The following ANOS1 variants were observed in gnomAD, a reference collection of about 807,000 sequenced individuals.
The protein encoded by ANOS1 is anosmin-1.
A neutral mutation model predicts 59.0 loss-of-function variants in ANOS1; 6 were observed. That is an observed-to-expected ratio of 0.10 (90% CI 0.06 to 0.20). The LOEUF (loss-of-function observed/expected upper bound fraction) is 0.20, where lower values mean the gene tolerates loss of function less well. ANOS1 is among the 10% of genes least tolerant of loss of function. The probability of loss-of-function intolerance (pLI) is 1.00; values close to 1 mark genes in which losing one functional copy is unlikely to be tolerated. For missense variants in ANOS1, 433 were observed against 542.3 expected (o/e 0.80, Z 2.00); for synonymous variants, 217 against 223.4 (o/e 0.97, Z 0.25).
intron 2 of ANOS1, among the ~76,000 whole-genome samples, chrX:8,628,295 C>T (rs970895489): frequency 2.7e-5 from 3 of 112,195 alleles, no homozygotes; most frequent in African/African-American, 9.7e-5. Context: ...TCCCAGAAAA[C>T]TCATAAATAA....
chrX:8,633,891 G>A (rs1221175891), intron 2 of ANOS1, among the ~76,000 whole-genome samples: 1 of 112,092 alleles, frequency 8.9e-6, no homozygotes, highest in Non-Finnish European at 1.9e-5. Context: ...GACCAAAGGA[G>A]ACTAAAGATA....
At chrX:8,709,803 C>G (rs1932801039) in intron 1 of ANOS1, among the ~76,000 whole-genome samples, 3 of 112,172 alleles carry the variant, frequency 2.7e-5, no homozygotes, top group Non-Finnish European at 5.6e-5. Flanking sequence ...GTTGCATAGA[C>G]TAAAACTATG....
At chrX:8,721,772 T>G (rs1932876594) in intron 1 of ANOS1, among the ~76,000 whole-genome samples, 1 of 112,720 alleles carries the variant, frequency 8.9e-6, no homozygotes, top group Admixed American at 9.4e-5. Flanking sequence ...CATGTTACAA[T>G]GGGCATGCTC....
At position 8,597,041 on chromosome X, in the gene ANOS1, C is replaced by T. The variant is rs1930749057; in HGVS notation, c.534G>A (p.Leu178=). The change falls in exon 4 of 14, where the codon CTG becomes CTA. Residue 178 remains leucine, a synonymous_variant. Coordinates refer to ENST00000262648, the MANE Select transcript of ANOS1 (RefSeq NM_000216.4). ...CCCAGTGCTGCCCCTTACCTTTGTA[C>T]AGAGTCTTGGGTACTTGACAGGTGT... ...CGHTCQVPKT[L]YKGVPLKPRK... 8 of 1,211,898 alleles carry T rather than the reference C, an allele frequency of 6.6e-6. No homozygotes were observed. The highest frequency in any genetic ancestry group is 8.9e-6 in the Non-Finnish European group (8 of 895,571).
intron 9 of ANOS1, among the ~76,000 whole-genome samples, chrX:8,543,946 T>A (rs1363159778): frequency 9.0e-6 from 1 of 110,547 alleles, no homozygotes; most frequent in African/African-American, 3.3e-5. Context: ...AAATACCCAG[T>A]TGATCTGGTT....
intron 2 of ANOS1, among the ~76,000 whole-genome samples, chrX:8,684,928 G>A (rs5978261): frequency 0.47 from 51,038 of 108,563 alleles, 9,105 homozygotes; most frequent in East Asian, 0.61. Flanking sequence ...ACAAGGATCC[G>A]TTCCAGCCCC....
At chrX:8,652,061 A>C (rs769678163) in intron 2 of ANOS1, among the ~76,000 whole-genome samples, 7 of 111,385 alleles carry the variant, frequency 6.3e-5, no homozygotes, top group Admixed American at 4.8e-4. Context: ...CCTCCACCTC[A>C]GCCTCCCGAG....
intron 3 of ANOS1, among the ~76,000 whole-genome samples, chrX:8,599,329 T>G (rs980331531): frequency 9.0e-5 from 10 of 111,660 alleles, no homozygotes; most frequent in Non-Finnish European, 1.9e-4. Flanking sequence ...ATGTGGTAGC[T>G]TTGGTGAACA....
chrX:8,717,280 A>C (rs1002775397), intron 1 of ANOS1, among the ~76,000 whole-genome samples: 2 of 112,336 alleles, frequency 1.8e-5, no homozygotes, highest in Non-Finnish European at 3.8e-5. Context: ...CCTATTAAAA[A>C]CAGGTTTAAA....
At chrX:8,660,930 G>A (rs781024958) in intron 2 of ANOS1, among the ~76,000 whole-genome samples, 5 of 111,911 alleles carry the variant, frequency 4.5e-5, no homozygotes, top group African/African-American at 6.5e-5. Context: ...AGTACACAGA[G>A]CAGCCAGGTG....
intron 6 of ANOS1, among the ~76,000 whole-genome samples, chrX:8,575,126 C>A (rs1187845773): frequency 1.8e-5 from 2 of 112,200 alleles, no homozygotes; most frequent in African/African-American, 6.5e-5. Context: ...CAAACTCTGT[C>A]AATCAGAATT....
chrX:8,668,138 G>T (rs928984520), intron 2 of ANOS1, among the ~76,000 whole-genome samples: 7 of 107,788 alleles, frequency 6.5e-5, no homozygotes, highest in Non-Finnish European at 1.3e-4. Flanking sequence ...CATCACCCGA[G>T]CAGTATACAC....
At chrX:8,654,189 T>C (rs1013198286) in intron 2 of ANOS1, among the ~76,000 whole-genome samples, 11 of 112,025 alleles carry the variant, frequency 9.8e-5, no homozygotes, top group Non-Finnish European at 1.3e-4. Flanking sequence ...TTTGGTCTTA[T>C]GTCTCCCATA....
At chrX:8,594,697 T>TATATATATACAC (rs1247233512) in intron 4 of ANOS1, among the ~76,000 whole-genome samples, 9 of 18,551 alleles carry the variant, frequency 4.9e-4, no homozygotes, top group Non-Finnish European at 5.3e-4. Context: ...TATATATATA[T>TATATATATACAC]ACACATATAT....
At chrX:8,571,121 A>C (rs2146807645) in intron 6 of ANOS1, among the ~76,000 whole-genome samples, 1 of 109,816 alleles carries the variant, frequency 9.1e-6, no homozygotes, top group African/African-American at 3.3e-5. Flanking sequence ...CAAAAAAAAA[A>C]AAAAAAAGTA....
intron 2 of ANOS1, among the ~76,000 whole-genome samples, chrX:8,651,444 GA>G (rs918592507): frequency 2.0e-4 from 22 of 111,304 alleles, no homozygotes; most frequent in Middle Eastern, 4.6e-3. Context: ...ATCGATGGGG[GA>G]AAAAAAAGAC....
chrX:8,675,297 A>T (rs1932318902), intron 2 of ANOS1, among the ~76,000 whole-genome samples: 1 of 112,117 alleles, frequency 8.9e-6, no homozygotes, highest in African/African-American at 3.2e-5. Context: ...TTTTTAGGCC[A>T]AAACATATGG....
At chrX:8,585,436 T>C (rs1364143019) in intron 5 of ANOS1, 40 bp from the exon 6 acceptor site, 15 of 1,201,058 alleles carry the variant, frequency 1.2e-5, no homozygotes, top group Non-Finnish European at 1.7e-5. Flanking sequence ...ACATGTCACT[T>C]TTTATTCCGA....
chrX:8,686,124 C>T (rs777423792), intron 2 of ANOS1, among the ~76,000 whole-genome samples: 18 of 112,290 alleles, frequency 1.6e-4, no homozygotes, highest in African/African-American at 5.8e-4. Flanking sequence ...TCCAGTAAAT[C>T]TTTTCCCATA....
Sources: gnomAD v4.1 joint callset for allele counts (sites outside exome capture counted in the v4.1 genomes callset) on GRCh38, gnomAD v4.1.1 for gene constraint, MANE v1.5 for transcripts, NCBI Gene and HGNC (gene_info 2026-07-23, HGNC 2026-07-21) for gene names.